WDR49: variants seen among roughly 807,000 people sequenced by gnomAD.
WDR49 encodes cilia- and flagella-associated protein 337.
A neutral mutation model predicts 119.5 loss-of-function variants in WDR49; 107 were observed. The ratio of observed to expected loss-of-function variants is 0.90; its 90% confidence interval spans 0.77 to 1.05. The LOEUF (loss-of-function observed/expected upper bound fraction) is 1.05, where lower values mean the gene tolerates loss of function less well. Among genes scored for constraint, WDR49 ranks in the 50% least tolerant of loss-of-function variants. WDR49 has a pLI of 0.00. For missense variants in WDR49, 1,240 were observed against 1,220.5 expected (o/e 1.02, Z -0.24); for synonymous variants, 425 against 418.8 (o/e 1.01, Z -0.18).
intron 10 of WDR49, among the ~76,000 whole-genome samples, chr3:167,545,105 A>G (rs1255245503): frequency 6.6e-6 from 1 of 152,106 alleles, no homozygotes; most frequent in Non-Finnish European, 1.5e-5. Flanking sequence ...AATGCTCAAC[A>G]TCACTCATTA....
intron 18 of WDR49, among the ~76,000 whole-genome samples, chr3:167,494,445 G>A (rs1448184647): frequency 6.6e-6 from 1 of 151,882 alleles, no homozygotes; most frequent in Non-Finnish European, 1.5e-5. Flanking sequence ...GGTAGTTGCA[G>A]GTTATCATTC....
intron 2 of WDR49, among the ~76,000 whole-genome samples, chr3:167,648,643 C>T (rs1416175965): frequency 2.0e-5 from 3 of 152,172 alleles, no homozygotes; most frequent in African/African-American, 7.2e-5. Flanking sequence ...GCTGTCCCTA[C>T]TTGCCATACG....
chr3:167,488,145 A>AACACACAC (rs57719248), intron 18 of WDR49, among the ~76,000 whole-genome samples: 30 of 136,280 alleles, frequency 2.2e-4, no homozygotes, highest in South Asian at 1.3e-3. Context: ...GATACACTCA[A>AACACACAC]ACACACACAC....
At chr3:167,600,424 T>G (rs918620328) in intron 7 of WDR49, among the ~76,000 whole-genome samples, 8 of 152,186 alleles carry the variant, frequency 5.3e-5, no homozygotes, top group Non-Finnish European at 1.0e-4. Context: ...TTTCCTACCC[T>G]CTTTGGTGAT....
At chr3:167,611,027 G>T (rs1245836782) in intron 5 of WDR49, among the ~76,000 whole-genome samples, 1 of 152,164 alleles carries the variant, frequency 6.6e-6, no homozygotes, top group African/African-American at 2.4e-5. Context: ...AATGATAAGT[G>T]CACAGAAAAC....
At chr3:167,545,504 ATATAT>A (rs1243636925) in intron 10 of WDR49, among the ~76,000 whole-genome samples, 10 of 127,048 alleles carry the variant, frequency 7.9e-5, no homozygotes, top group African/African-American at 1.7e-4. Flanking sequence ...ATTATATATT[ATATAT>A]TATATATATA....
chr3:167,607,193 A>G (rs561055853), intron 5 of WDR49, among the ~76,000 whole-genome samples: 1 of 152,236 alleles, frequency 6.6e-6, no homozygotes, highest in Admixed American at 6.5e-5. Context: ...GGGGAATGTT[A>G]GAATAATATT....
intron 16 of WDR49, among the ~76,000 whole-genome samples, chr3:167,513,691 T>C (rs908761930): frequency 6.6e-6 from 1 of 152,144 alleles, no homozygotes; most frequent in African/African-American, 2.4e-5. Context: ...TAAAGACCCA[T>C]TGGTGTGCTG....
chr3:167,611,689 C>T (rs940247594), intron 5 of WDR49, among the ~76,000 whole-genome samples: 2 of 152,074 alleles, frequency 1.3e-5, no homozygotes, highest in Non-Finnish European at 2.9e-5. Flanking sequence ...AGTCACTATA[C>T]TTTTATCACA....
intron 7 of WDR49, among the ~76,000 whole-genome samples, chr3:167,581,710 A>G (rs1714538091): frequency 6.6e-6 from 1 of 152,216 alleles, no homozygotes; most frequent in African/African-American, 2.4e-5. Context: ...TACATTTATA[A>G]GTAGATAACT....
intron 15 of WDR49, among the ~76,000 whole-genome samples, chr3:167,523,787 G>C (rs2108233952): frequency 6.6e-6 from 1 of 152,034 alleles, no homozygotes; most frequent in East Asian, 1.9e-4. Flanking sequence ...TCTTTTTCTG[G>C]TCTATCATTG....
chr3:167,640,873 C>T (rs781305345), intron 2 of WDR49, among the ~76,000 whole-genome samples: 1 of 151,564 alleles, frequency 6.6e-6, no homozygotes, highest in Non-Finnish European at 1.5e-5. Flanking sequence ...TCGAGAAAAC[C>T]CCACAGGCAA....
intron 5 of WDR49, among the ~76,000 whole-genome samples, chr3:167,610,855 C>A (rs1716305093): frequency 1.3e-5 from 2 of 152,306 alleles, no homozygotes; most frequent in South Asian, 4.1e-4. Context: ...AGAGACTTTG[C>A]ATGTTTGGGG....
At chr3:167,628,659 C>T (rs1717234796) in intron 2 of WDR49, among the ~76,000 whole-genome samples, 1 of 152,122 alleles carries the variant, frequency 6.6e-6, no homozygotes, top group Non-Finnish European at 1.5e-5. Flanking sequence ...ATCTCCACAA[C>T]ATAAAAGTGC....
intron 8 of WDR49, chr3:167,575,282 A>G (rs1714175386): frequency 1.0e-6 from 1 of 985,848 alleles, no homozygotes; most frequent in Non-Finnish European, 1.2e-6. Context: ...CTGTCCTCCA[A>G]GAAGGGCTGT....
chr3:167,559,812 T>C (rs966764038), intron 9 of WDR49, among the ~76,000 whole-genome samples: 11 of 152,228 alleles, frequency 7.2e-5, no homozygotes, highest in Non-Finnish European at 1.5e-4. Flanking sequence ...GGGGGCTTTC[T>C]GAAATGAGTA....
At chr3:167,548,490 G>T (rs898208426) in intron 10 of WDR49, among the ~76,000 whole-genome samples, 3 of 151,884 alleles carry the variant, frequency 2.0e-5, no homozygotes, top group African/African-American at 7.3e-5. Context: ...TCCTGCAATG[G>T]GCAGAGATAT....
At chr3:167,482,384 C>A (rs976910850) in intron 18 of WDR49, among the ~76,000 whole-genome samples, 14 of 151,852 alleles carry the variant, frequency 9.2e-5, no homozygotes, top group African/African-American at 3.4e-4. Context: ...AAAAGCTAAA[C>A]TGAGGCCAGG....
chr3:167,626,169 T>C (rs1168751326), intron 3 of WDR49, among the ~76,000 whole-genome samples: 1 of 151,998 alleles, frequency 6.6e-6, no homozygotes, highest in African/African-American at 2.4e-5. Flanking sequence ...CAGAAATATT[T>C]ACAGATAAAA....
Sources: gnomAD v4.1 joint callset for allele counts (sites outside exome capture counted in the v4.1 genomes callset) on GRCh38, gnomAD v4.1.1 for gene constraint, MANE v1.5 for transcripts, NCBI Gene and HGNC (gene_info 2026-07-23, HGNC 2026-07-21) for gene names.